MAGI2: variants seen among roughly 807,000 people sequenced by gnomAD.
The protein encoded by MAGI2 is membrane-associated guanylate kinase, WW and PDZ domain-containing protein 2.
A neutral mutation model predicts 133.3 loss-of-function variants in MAGI2; 35 were observed. The observed-to-expected ratio is 0.26, with a 90% CI of 0.20 to 0.35. The LOEUF is 0.35. MAGI2 is among the 10% of genes least tolerant of loss of function. The pLI is 1.00. For synonymous variants in MAGI2, 729 were observed against 710.6 expected (o/e 1.03, Z -0.41); for missense variants, 1,636 against 1,863.4 (o/e 0.88, Z 2.25).
intron 6 of MAGI2, among the ~76,000 whole-genome samples, chr7:78,464,378 A>C (rs907326512): frequency 2.0e-5 from 3 of 152,144 alleles, no homozygotes; most frequent in African/African-American, 7.2e-5. Context: ...TCACTGCAGC[A>C]TGTATCATTA....
chr7:79,339,647 C>T (rs1035837547), intron 1 of MAGI2, among the ~76,000 whole-genome samples: 1 of 152,028 alleles, frequency 6.6e-6, no homozygotes, highest in Non-Finnish European at 1.5e-5. Flanking sequence ...CAGCCATTTG[C>T]GAAAGTTTTC....
chr7:78,344,363 A>G (rs1330167509), intron 8 of MAGI2, among the ~76,000 whole-genome samples: 3 of 152,180 alleles, frequency 2.0e-5, no homozygotes, highest in Non-Finnish European at 4.4e-5. Flanking sequence ...TCCAGGTAGG[A>G]GGTATGTGTC....
intron 2 of MAGI2, among the ~76,000 whole-genome samples, chr7:78,824,140 C>A (rs1462888656): frequency 2.0e-5 from 3 of 152,172 alleles, no homozygotes; most frequent in South Asian, 2.1e-4. Flanking sequence ...TGTTACATAT[C>A]TCTCTTAATG....
chr7:79,260,262 G>T (rs150494312), intron 1 of MAGI2, among the ~76,000 whole-genome samples: 84 of 152,164 alleles, frequency 5.5e-4, no homozygotes, highest in African/African-American at 1.9e-3. Flanking sequence ...AAGCTAACAT[G>T]GGAGGATGAC....
At chr7:78,993,237 A>G (rs1386936909) in intron 2 of MAGI2, among the ~76,000 whole-genome samples, 1 of 152,096 alleles carries the variant, frequency 6.6e-6, no homozygotes, top group Non-Finnish European at 1.5e-5. Flanking sequence ...GAGCCAGAGT[A>G]TAAGTAGAAA....
chr7:78,718,897 G>A (rs1467559466), intron 2 of MAGI2, among the ~76,000 whole-genome samples: 2 of 151,954 alleles, frequency 1.3e-5, no homozygotes, highest in Admixed American at 1.3e-4. Flanking sequence ...GACACTGTAG[G>A]GTCTTACCAG....
At chr7:78,741,880 T>C (rs1465045946) in intron 2 of MAGI2, among the ~76,000 whole-genome samples, 4 of 152,100 alleles carry the variant, frequency 2.6e-5, no homozygotes, top group Admixed American at 6.5e-5. Context: ...CCATAGATAA[T>C]CTGTTACTTG....
intron 2 of MAGI2, among the ~76,000 whole-genome samples, chr7:78,958,103 TCA>T (rs1293998805): frequency 2.0e-5 from 3 of 152,180 alleles, no homozygotes; most frequent in Non-Finnish European, 4.4e-5. Context: ...CCCCAGCAGT[TCA>T]CAGTGTGTTA....
chr7:78,664,655 T>C (rs930144441), intron 2 of MAGI2, among the ~76,000 whole-genome samples: 3 of 151,972 alleles, frequency 2.0e-5, no homozygotes, highest in African/African-American at 7.2e-5. Context: ...CTTTGCATTG[T>C]CAGTGTTAGT....
intron 1 of MAGI2, among the ~76,000 whole-genome samples, chr7:79,168,883 AAGAT>A (rs1369123489): frequency 0.012 from 1,127 of 97,830 alleles, 35 homozygotes; most frequent in African/African-American, 0.055. Flanking sequence ...TTTCTTTCTA[AAGAT>A]AGATATATAT....
chr7:79,315,585 T>A (rs921874903), intron 1 of MAGI2, among the ~76,000 whole-genome samples: 4 of 152,122 alleles, frequency 2.6e-5, no homozygotes, highest in Non-Finnish European at 5.9e-5. Context: ...CAAGTTCAAA[T>A]GATATGACAA....
intron 20 of MAGI2, among the ~76,000 whole-genome samples, chr7:78,097,902 G>A (rs138827951): frequency 3.3e-5 from 5 of 152,238 alleles, no homozygotes; most frequent in African/African-American, 1.2e-4. Context: ...GCTGACTTGT[G>A]CACTAATAGA....
intron 1 of MAGI2, among the ~76,000 whole-genome samples, chr7:79,137,450 GTT>G (rs376997399): frequency 3.2e-4 from 43 of 133,292 alleles, no homozygotes; most frequent in African/African-American, 1.2e-3. Context: ...GGTGTTTTTT[GTT>G]TTTTTTTTTT....
chr7:78,504,932 T>C (rs554677713), intron 4 of MAGI2, among the ~76,000 whole-genome samples: 92 of 152,258 alleles, frequency 6.0e-4, no homozygotes, highest in African/African-American at 2.0e-3. Context: ...ATAGTATTAA[T>C]CCTATTTTTC....
At chr7:78,589,415 C>T (rs1349575002) in intron 3 of MAGI2, among the ~76,000 whole-genome samples, 1 of 152,170 alleles carries the variant, frequency 6.6e-6, no homozygotes. Context: ...GATTTGGACC[C>T]AGCCAGCCTG....
At chr7:79,404,277 C>G (rs1205406032) in intron 1 of MAGI2, among the ~76,000 whole-genome samples, 1 of 152,082 alleles carries the variant, frequency 6.6e-6, no homozygotes, top group Admixed American at 6.5e-5. Flanking sequence ...AAATAGTCTT[C>G]CCTGTTCATA....
intron 2 of MAGI2, among the ~76,000 whole-genome samples, chr7:78,722,906 TTAATTATAGAATAATA>T (rs1283804323): frequency 6.6e-6 from 1 of 152,050 alleles, no homozygotes; most frequent in African/African-American, 2.4e-5. Flanking sequence ...GCCATATAGC[TTAATTATAGAATAATA>T]TAATCATAGA....
chr7:78,516,289 A>T (rs893521428), intron 4 of MAGI2, among the ~76,000 whole-genome samples: 1 of 152,162 alleles, frequency 6.6e-6, no homozygotes, highest in East Asian at 1.9e-4. Context: ...TACCTGAGGA[A>T]TTTGAACCAA....
At chr7:78,282,913 G>A (rs938590558) in intron 9 of MAGI2, among the ~76,000 whole-genome samples, 1 of 152,066 alleles carries the variant, frequency 6.6e-6, no homozygotes, top group African/African-American at 2.4e-5. Flanking sequence ...TGTTAACAAT[G>A]AGCTATCAGA....
Sources: allele counts gnomAD v4.1 joint callset (sites outside exome capture counted in the v4.1 genomes callset), GRCh38; gene constraint gnomAD v4.1.1; transcripts MANE v1.5; gene names NCBI Gene and HGNC (gene_info 2026-07-23, HGNC 2026-07-21).